MYH13: variants seen among roughly 807,000 people sequenced by gnomAD.
MYH13 encodes the protein myosin heavy chain 13, also known as myosin-13.
A neutral mutation model predicts 232.1 loss-of-function variants in MYH13; 177 were observed. The observed-to-expected ratio is 0.76, with a 90% CI of 0.67 to 0.86. MYH13 has a LOEUF of 0.86. Ranked by LOEUF, MYH13 falls within the 40% of genes least tolerant of loss-of-function variation. The pLI, the probability that MYH13 is intolerant of heterozygous loss-of-function variation, is 0.00. For synonymous variants in MYH13, 884 were observed against 923.5 expected, an observed-to-expected ratio of 0.96 and a Z score of 0.78; for missense variants, 2,246 against 2,405.9, an observed-to-expected ratio of 0.93 and a Z score of 1.39.
chr17:10,301,981 T>A (rs1252953250), intron 39 of MYH13, among the ~76,000 whole-genome samples: 1 of 152,166 alleles, frequency 6.6e-6, no homozygotes, highest in African/African-American at 2.4e-5. Context: ...CATAGAGATC[T>A]TCGGGGGAGA....
At chr17:10,327,765 C>G in intron 22 of MYH13, 101 bp downstream of exon 22, 2 of 1,446,312 alleles carry the variant, frequency 1.4e-6, no homozygotes, top group Non-Finnish European at 1.9e-6. Context: ...TGGGTGGCAC[C>G]ACTGTCTCTC....
intron 22 of MYH13, among the ~76,000 whole-genome samples, chr17:10,326,637 AT>A (rs60345675): frequency 0.47 from 68,235 of 145,848 alleles, 16,087 homozygotes; most frequent in Non-Finnish European, 0.54. Context: ...CACCTGGCTA[AT>A]TTTTTTTTTT....
At chr17:10,350,943 C>T (rs1405050421) in intron 11 of MYH13, 7 of 488,638 alleles carry the variant, frequency 1.4e-5, no homozygotes, top group African/African-American at 9.7e-5. Flanking sequence ...TGATTACAGT[C>T]GGGCGCGGTG....
chr17:10,318,880 C>T lies in MYH13; in HGVS notation c.3648G>A (p.Arg1216=), dbSNP rs749252752. ...ELGEQIDNLQ[R]VKQKLEKEKS... is the part of the protein sequence containing the mutation. ...TCTCCTTCTCCAGCTTCTGCTTCAC[C>T]CGCTGCAGGTTGTCAATCTGCTCCC... is the stretch of plus-strand genomic sequence containing the variant. The change falls in exon 27 of 41, where the codon CGG becomes CGA. Residue 1216 remains arginine, a synonymous_variant. Coordinates refer to ENST00000252172, the MANE Select transcript of MYH13 (RefSeq NM_003802.3). 6 of 1,614,130 alleles carry T rather than the reference C, an allele frequency of 3.7e-6. No homozygotes were observed. The highest frequency in any genetic ancestry group is 1.1e-5 in the South Asian group (1 of 91,078).
chr17:10,335,988 G>C (rs1463095226), intron 18 of MYH13, among the ~76,000 whole-genome samples: 6 of 152,200 alleles, frequency 3.9e-5, no homozygotes, highest in Admixed American at 3.9e-4. Context: ...TTGCCAGGCT[G>C]TCCATCCTGT....
chr17:10,313,101 G>C (rs1217341421), intron 30 of MYH13, 57 bp downstream of exon 30: 2 of 1,611,014 alleles, frequency 1.2e-6, no homozygotes, highest in African/African-American at 2.7e-5. Context: ...GAAGACTCCT[G>C]GTCCCTTGGC....
chr17:10,345,061 G>T, intron 15 of MYH13, 141 bp downstream of exon 15: 2 of 1,308,576 alleles, frequency 1.5e-6, no homozygotes, highest in Non-Finnish European at 2.1e-6. Context: ...CATTCTCTTT[G>T]CAAATAGGCA....
intron 33 of MYH13, 143 bp from the exon 34 acceptor site, chr17:10,309,973 G>T: frequency 9.3e-6 from 6 of 647,232 alleles, no homozygotes; most frequent in Non-Finnish European, 1.4e-5. Flanking sequence ...GTAGAGACAG[G>T]GTCTGTGTTG....
At position 10,357,746 on chromosome 17, in the gene MYH13, A is replaced by C. The variant is rs2071759755; in HGVS notation, c.727T>G (p.Ser243Ala). The C allele has an allele frequency of 6.2e-7, 1 of 1,613,586 alleles. No individual in the cohort carries two copies. The highest frequency in any genetic ancestry group is 1.3e-5 in the African/African-American group (1 of 74,984). Residue 243 changes from serine (S) to alanine (A), a missense_variant, in exon 8 of 41, where the codon TCC becomes GCC. Physicochemically the swap from Ser to Ala is moderately conservative, Grantham distance 99. Coordinates refer to ENST00000252172, the MANE Select transcript of MYH13 (RefSeq NM_003802.3). ...GGGCCGGATCTTACAAATCTTGAGGAGTTGTCATTCCTCACAGTCTTGGCA... is the reference window on the plus strand; with the variant it reads ...GGGCCGGATCTTACAAATCTTGAGGCGTTGTCATTCCTCACAGTCTTGGCA... ...GNAKTVRNDN[S>A]SRFGKFIRIH...
Position 10,306,951 on chromosome 17 carries a change from C to A in MYH13, c.5283G>T (p.Lys1761Asn). The change falls in exon 36 of 41, where the codon AAG becomes AAT. Residue 1761 changes from lysine to asparagine, a missense_variant. Transcript: ENST00000252172. The surrounding 1 kb of genome is among the most constrained non-coding windows in gnomAD (Gnocchi z 4.3). ...GAACAGAGCTCACATCCGTGATGGC[C>A]TTCTTGGCCTTCTCCTCTGCGTTCC... ...ESRNAEEKAK[K>N]AITDAAMMAE... The A allele has an allele frequency of 6.2e-7, 1 of 1,613,778 alleles. No homozygotes were observed. Among genetic ancestry groups the A allele is most frequent in the Non-Finnish European group, 8.5e-7 (1 of 1,179,932 alleles).
chr17:10,312,034 C>T lies in MYH13; in HGVS notation c.4408G>A (p.Glu1470Lys). 6.2e-7 allele frequency: 1 copy of T among 1,614,018 alleles called. No individual in the cohort carries two copies. The highest frequency in any genetic ancestry group is 8.5e-7 in the Non-Finnish European group (1 of 1,179,904). The stretch of plus-strand genomic sequence containing the variant: ...GACTCCTTCTGAGCAGCTTCCAACT[C>T]AGCCTGGCTTTCGTCCAGCTTTTGC... ...WKQKLDESQA[E>K]LEAAQKESRS... Residue 1470 changes from glutamate (E) to lysine (K), a missense_variant, in exon 32 of 41, where the codon GAG (glutamate) becomes AAG (lysine). Coordinates refer to ENST00000252172, the MANE Select transcript of MYH13 (RefSeq NM_003802.3).
intron 2 of MYH13, among the ~76,000 whole-genome samples, chr17:10,369,300 A>G (rs1054998074): frequency 6.6e-6 from 1 of 152,204 alleles, no homozygotes; most frequent in Non-Finnish European, 1.5e-5. Flanking sequence ...AACACTTAGG[A>G]AGCGTGCTAC....
chr17:10,316,858 G>C (rs1006625151), intron 27 of MYH13, among the ~76,000 whole-genome samples: 2 of 152,172 alleles, frequency 1.3e-5, no homozygotes, highest in Non-Finnish European at 2.9e-5. Flanking sequence ...AAAATGTATA[G>C]AGCATATGTT....
At chr17:10,309,940 AT>A in intron 33 of MYH13, 110 bp from the exon 34 acceptor site, 1 of 998,962 alleles carries the variant, frequency 1.0e-6, no homozygotes, top group Non-Finnish European at 1.4e-6. Context: ...AAAAAATTAA[AT>A]TTAAATTTTT....
intron 7 of MYH13, 89 bp from the exon 8 acceptor site, chr17:10,357,916 A>G (rs1221697744): frequency 3.4e-6 from 4 of 1,160,610 alleles, no homozygotes; most frequent in Non-Finnish European, 5.1e-6. Flanking sequence ...TACTCTGGGC[A>G]GGTTCAGGTA....
At position 10,320,144 on chromosome 17, in the gene MYH13, T is replaced by C; in HGVS notation, c.3348+9A>G. On this transcript the variant is annotated intron_variant, in intron 26 of 40. Coordinates refer to ENST00000252172, the MANE Select transcript of MYH13 (RefSeq NM_003802.3). ...ATTGTCATGATTGGGAAGGTTTTGATGCTTTTACTTGCAGTTCTTTAATCT... is the reference window on the plus strand; with the variant it reads ...ATTGTCATGATTGGGAAGGTTTTGACGCTTTTACTTGCAGTTCTTTAATCT... 1 of 1,567,846 alleles carries C rather than the reference T, an allele frequency of 6.4e-7. No homozygotes were observed. The highest frequency in any genetic ancestry group is 1.2e-5 in the South Asian group (1 of 85,510).
intron 3 of MYH13, 100 bp from the exon 4 acceptor site, chr17:10,362,603 T>A: frequency 6.9e-7 from 1 of 1,457,936 alleles, no homozygotes; most frequent in Non-Finnish European, 9.5e-7. Flanking sequence ...GTGGAGGAAT[T>A]ACCGCATTGT....
chr17:10,337,442 T>C (rs12051715), intron 18 of MYH13, among the ~76,000 whole-genome samples: 117,143 of 151,526 alleles, frequency 0.77, 45,648 homozygotes, highest in East Asian at 0.9. Context: ...GCCCGTGAAG[T>C]CCTAGAGGAT....
intron 18 of MYH13, among the ~76,000 whole-genome samples, chr17:10,335,068 T>C (rs1260930774): frequency 6.6e-6 from 1 of 152,044 alleles, no homozygotes; most frequent in African/African-American, 2.4e-5. Flanking sequence ...ATTTCTTTAT[T>C]TGTAAAATAA....
Sources: gnomAD v4.1 joint callset for allele counts (sites outside exome capture counted in the v4.1 genomes callset) on GRCh38, gnomAD v4.1.1 for gene constraint, Gnocchi (gnomAD v3.1) non-coding constraint, MANE v1.5 for transcripts, NCBI Gene and HGNC (gene_info 2026-07-23, HGNC 2026-07-21) for gene names.